PXN: variants seen among roughly 807,000 people sequenced by gnomAD.
PXN encodes the protein testicular tissue protein Li 134.
PXN carries 61 observed loss-of-function variants against 103.6 expected under a neutral mutation model. That is an observed-to-expected ratio of 0.59 (90% CI 0.48 to 0.73). The LOEUF (loss-of-function observed/expected upper bound fraction) is 0.73, where lower values mean the gene tolerates loss of function less well. PXN is among the 30% of genes least tolerant of loss of function. PXN has a pLI of 0.00. For missense variants in PXN, 1,274 were observed against 1,460.3 expected (o/e 0.87, Z 2.08); for synonymous variants, 562 against 607.8 (o/e 0.92, Z 1.11).
chr12:120,244,625 A>G (rs533489729), intron 1 of PXN, among the ~76,000 whole-genome samples: 223 of 147,704 alleles, frequency 1.5e-3, no homozygotes, highest in Admixed American at 1.9e-3. Flanking sequence ...TCCAGCCTGG[A>G]TGACAGAGTG....
rs1174963016 is a variant in PXN at position 120,214,487 on chromosome 12, CAT to C, written c.2749-272_2749-271del. 6.6e-6 allele frequency among the ~76,000 whole-genome samples: 1 copy of C among 152,214 alleles called. No homozygotes were observed. Among genetic ancestry groups the C allele is most frequent in the South Asian group, 2.1e-4 (1 of 4,834 alleles). On this transcript the variant is annotated intron_variant, in intron 12 of 14. Coordinates refer to ENST00000637617, the MANE Select transcript of PXN (RefSeq NM_001385981.1). The surrounding 1 kb of genome is among the most constrained non-coding windows in gnomAD (Gnocchi z 5.0). ...GACTCCCATTTTATAAGTGAAGAAA[CAT>C]AGGCTCAGAGAGGCCAGGCATTTCC...
chr12:120,216,447 G>A lies in PXN; in HGVS notation c.2127C>T (p.Ala709=). Residue 709 remains alanine (A), a synonymous_variant, in exon 9 of 15, where the codon GCC becomes GCT. Coordinates refer to ENST00000637617, the MANE Select transcript of PXN (RefSeq NM_001385981.1). The surrounding 1 kb of genome is among the most constrained non-coding windows in gnomAD (Gnocchi z 5.1). ...SSSSPLPSLL[A]SSPLGPSAYT... is the part of the protein sequence containing the mutation. ...AAGCTGAGGGCCCCAGGGGGGAGGA[G>A]GCGAGCAGGCTGGGCAGGGGAGAAG... 7.3e-6 allele frequency: 10 copies of A among 1,378,166 alleles called. No individual in the cohort carries two copies. Among genetic ancestry groups the A allele is most frequent in the African/African-American group, 1.5e-5 (1 of 65,984 alleles). 85.4% of individuals were successfully genotyped at this position (1,378,166 alleles called of 1,614,324 possible).
chr12:120,215,056 C>A lies in PXN; in HGVS notation c.2574+47G>T. 6.2e-7 allele frequency: 1 copy of A among 1,600,534 alleles called. No homozygotes were observed. Among genetic ancestry groups the A allele is most frequent in the South Asian group, 1.1e-5 (1 of 89,256 alleles). ...AGGCCAGCCCCGGAGCACCCCCACC[C>A]CTGCAGGAGTCCACTGGCCACACCC... is the stretch of plus-strand genomic sequence containing the variant. On this transcript the variant is annotated intron_variant, in intron 11 of 14. Coordinates refer to ENST00000637617, the MANE Select transcript of PXN (RefSeq NM_001385981.1). This position sits in a 1 kb window ranked among gnomAD's most constrained non-coding sequence, Gnocchi z 4.9.
Position 120,219,364 on chromosome 12 carries a change from C to A in PXN, c.1559G>T (p.Gly520Val), listed in dbSNP as rs61741284. ...EQLGAKMTER[G>V]SVARPTQGPE... ...TCCCTGGGTTGGCCTGGCCACACTTCCCCTCTCGGTCATCTTTGCACCTAG... is the reference window on the plus strand; with the variant it reads ...TCCCTGGGTTGGCCTGGCCACACTTACCCTCTCGGTCATCTTTGCACCTAG... Residue 520 changes from glycine (G) to valine (V), a missense_variant, in exon 7 of 15, where the codon GGA (glycine) becomes GTA (valine). By Grantham distance (109) the Gly-to-Val change is moderately radical (BLOSUM62 -3). This residue lies in a region of PXN where 1,178 missense variants were observed against 1,309.0 expected (regional missense o/e 0.90). Coordinates refer to ENST00000637617, the MANE Select transcript of PXN (RefSeq NM_001385981.1). The surrounding 1 kb of genome is among the most constrained non-coding windows in gnomAD (Gnocchi z 6.5). 6.7e-4 allele frequency: 1,078 copies of A among 1,598,462 alleles called. 1 individual carries two copies. The highest frequency in any genetic ancestry group is 8.7e-4 in the Non-Finnish European group (1,023 of 1,179,804).
At position 120,214,896 on chromosome 12, in the gene PXN, G is replaced by A; in HGVS notation, c.2677C>T (p.Pro893Ser). ...SRNFFERDGQPYCEKDYHNLF... is the reference protein window; with the variant it reads ...SRNFFERDGQSYCEKDYHNLF... ...TTGTGGTAGTCCTTTTCACAGTAGG[G>A]CTGTCCATCCCGCTCGAAGAAGTTC... Residue 893 changes from proline to serine, a missense_variant, in exon 12 of 15, where the codon CCC (proline) becomes TCC (serine). Transcript: ENST00000637617. The surrounding 1 kb of genome is among the most constrained non-coding windows in gnomAD (Gnocchi z 5.0). 1 of 1,614,012 alleles carries A rather than the reference G, an allele frequency of 6.2e-7. No individual in the cohort carries two copies. The highest frequency in any genetic ancestry group is 1.1e-5 in the South Asian group (1 of 91,090).
In PXN at chr12:120,248,492, TCACACACACACACACACA is replaced by T. The variant is rs3221954; in HGVS notation, c.13+17107_13+17124del. On this transcript the variant is annotated intron_variant, in intron 1 of 14. Transcript: ENST00000637617. The stretch of plus-strand genomic sequence containing the variant: ...ACCATATACAATCCACAGATGACTT[TCACACACACACACACACA>T]CACACACACACACACACACACACAC... Among the ~76,000 whole-genome samples the T allele has an allele frequency of 7.7e-4, 98 of 127,946 alleles. 1 individual carries two copies. Among genetic ancestry groups the T allele is most frequent in the African/African-American group, 2.5e-3 (81 of 32,148 alleles). The allele number at this position is 127,946 out of a possible 152,430, so 83.9% of individuals were successfully genotyped here.
At position 120,222,548 on chromosome 12, in the gene PXN, C is replaced by T. The variant is rs1432254341; in HGVS notation, c.695+1G>A. ...CTGGGGAGGGCCCAGTGGGTACTCA[C>T]ACGGGGCTGGGCACGGAGCTCTCCA... On this transcript the variant is annotated splice_donor_variant, in intron 5 of 14. Coordinates refer to ENST00000637617, the MANE Select transcript of PXN (RefSeq NM_001385981.1). LOFTEE classifies it high-confidence loss of function. The surrounding 1 kb of genome is among the most constrained non-coding windows in gnomAD (Gnocchi z 4.7). 1 of 1,592,040 alleles carries T rather than the reference C, an allele frequency of 6.3e-7. No individual in the cohort carries two copies. The highest frequency in any genetic ancestry group is 8.5e-7 in the Non-Finnish European group (1 of 1,170,004).
Position 120,242,110 on chromosome 12 carries a change from G to A in PXN, c.14-17733C>T, listed in dbSNP as rs539123267. 3.1e-3 allele frequency among the ~76,000 whole-genome samples: 479 copies of A among 152,254 alleles called. 4 individuals carry two copies. Among genetic ancestry groups the A allele is most frequent in the South Asian group, 0.019 (94 of 4,826 alleles). On this transcript the variant is annotated intron_variant, in intron 1 of 14. Coordinates refer to ENST00000637617, the MANE Select transcript of PXN (RefSeq NM_001385981.1). The stretch of plus-strand genomic sequence containing the variant: ...AGGATCAGGAGTTACACCAAGAACA[G>A]GCAGAGCCACAGTGTTCCCTGAGCC...
intron 1 of PXN, among the ~76,000 whole-genome samples, chr12:120,241,609 C>T (rs551154095): frequency 1.8e-4 from 28 of 152,304 alleles, no homozygotes; most frequent in Admixed American, 1.2e-3. Flanking sequence ...CTGTCATAAA[C>T]GAGGGGCAGA....
Position 120,216,175 on chromosome 12 carries a change from T to G in PXN, c.2301+98A>C. On this transcript the variant is annotated intron_variant, in intron 9 of 14. Coordinates refer to ENST00000637617, the MANE Select transcript of PXN (RefSeq NM_001385981.1). This position sits in a 1 kb window ranked among gnomAD's most constrained non-coding sequence, Gnocchi z 5.1. Reference sequence around the variant, plus strand: ...CTTGTAGATGGAGGGATGGAGGGTATCTGTGTATGTGTGTGTGCACGTGTG... The same window carrying G: ...CTTGTAGATGGAGGGATGGAGGGTAGCTGTGTATGTGTGTGTGCACGTGTG... 1.6e-6 allele frequency: 2 copies of G among 1,265,434 alleles called. No homozygotes were observed. Among genetic ancestry groups the G allele is most frequent in the Non-Finnish European group, 9.9e-7 (1 of 1,007,626 alleles). The allele number at this position is 1,265,434 out of a possible 1,614,324, so 78.4% of individuals were successfully genotyped here.
chr12:120,216,361 T>A lies in PXN; in HGVS notation c.2213A>T (p.Gln738Leu). The change falls in exon 9 of 15, where the codon CAG becomes CTG. Residue 738 changes from glutamine (Q) to leucine (L), a missense_variant. Coordinates refer to ENST00000637617, the MANE Select transcript of PXN (RefSeq NM_001385981.1). This position sits in a 1 kb window ranked among gnomAD's most constrained non-coding sequence, Gnocchi z 5.1. The part of the protein sequence containing the change: ...AGEEPHDEGV[Q>L]GPALPIPAPH... ...TGCAGGAATGGGAAGGGCAGGGCCC[T>A]GCACCCCCTCATCATGGGGCTCTTC... 1.5e-6 allele frequency: 2 copies of A among 1,316,614 alleles called. No homozygotes were observed. The highest frequency in any genetic ancestry group is 4.8e-5 in the South Asian group (2 of 42,004). 81.6% of individuals were successfully genotyped at this position (1,316,614 alleles called of 1,614,324 possible).
rs1287815966 is a variant in PXN, at chr12:120,265,099, C to T, written c.13+518G>A. ...GAGGGGTTATCCCTGAAGGGGGGTG[C>T]TAGTCTGTGAAGTGGGGGGCGGCCC... On this transcript the variant is annotated intron_variant, in intron 1 of 14. Transcript: ENST00000637617. The surrounding 1 kb of genome is among the most constrained non-coding windows in gnomAD (Gnocchi z 5.7). Among the ~76,000 whole-genome samples, 2 of 150,746 alleles carry T rather than the reference C, an allele frequency of 1.3e-5. No individual in the cohort carries two copies. Among genetic ancestry groups the T allele is most frequent in the African/African-American group, 4.9e-5 (2 of 40,896 alleles).
rs915659595 is a variant in PXN, at chr12:120,222,073, A to C, written c.696-315T>G. On this transcript the variant is annotated intron_variant, in intron 5 of 14. Transcript: ENST00000637617. The surrounding 1 kb of genome is among the most constrained non-coding windows in gnomAD (Gnocchi z 4.7). Reference sequence around the variant, plus strand: ...GAGGCTACTGCAGTAACACGACGGCACTGGTAAGAGCTCGCGTGTTGGGCA... The same window carrying C: ...GAGGCTACTGCAGTAACACGACGGCCCTGGTAAGAGCTCGCGTGTTGGGCA... Among the ~76,000 whole-genome samples the C allele has an allele frequency of 6.6e-6, 1 of 152,210 alleles. No homozygotes were observed. The highest frequency in any genetic ancestry group is 2.4e-5 in the African/African-American group (1 of 41,450).
intron 1 of PXN, among the ~76,000 whole-genome samples, chr12:120,238,749 C>T (rs1889596056): frequency 1.3e-5 from 2 of 152,236 alleles, no homozygotes; most frequent in South Asian, 4.1e-4. Flanking sequence ...AGACTATTTA[C>T]ATCACTAGCT....
chr12:120,242,656 C>T (rs191934166), intron 1 of PXN, among the ~76,000 whole-genome samples: 2 of 152,142 alleles, frequency 1.3e-5, no homozygotes, highest in Non-Finnish European at 2.9e-5. Context: ...GAGGCAGAGG[C>T]GGGCAGATCA....
chr12:120,241,520 G>A (rs1890134268), intron 1 of PXN, among the ~76,000 whole-genome samples: 1 of 152,194 alleles, frequency 6.6e-6, no homozygotes, highest in Non-Finnish European at 1.5e-5. Flanking sequence ...CAAACACATA[G>A]TGTGCACGGG....
chr12:120,214,074 C>A lies in PXN; in HGVS notation c.2830+62G>T. The A allele has an allele frequency of 6.4e-7, 1 of 1,567,252 alleles. No homozygotes were observed. Among genetic ancestry groups the A allele is most frequent in the Non-Finnish European group, 8.6e-7 (1 of 1,156,860 alleles). ...CTGACTCCAACCTCAGCAGCGTCTC[C>A]CACCCCCACCTCCCCGGCCCTCCTA... On this transcript the variant is annotated intron_variant, in intron 13 of 14. Coordinates refer to ENST00000637617, the MANE Select transcript of PXN (RefSeq NM_001385981.1). The surrounding 1 kb of genome is among the most constrained non-coding windows in gnomAD (Gnocchi z 5.0).
intron 1 of PXN, among the ~76,000 whole-genome samples, chr12:120,261,499 T>G (rs1893879175): frequency 6.6e-6 from 1 of 152,120 alleles, no homozygotes; most frequent in South Asian, 2.1e-4. Flanking sequence ...CAGATTTTGT[T>G]ATTATTAATG....
chr12:120,222,712 TCAGGGCCC>T lies in PXN; in HGVS notation c.524_531del (p.Gly175GlufsTer10). On this transcript the variant is annotated frameshift_variant, in exon 5 of 15. Coordinates refer to ENST00000637617, the MANE Select transcript of PXN (RefSeq NM_001385981.1). LOFTEE classifies it high-confidence loss of function. The surrounding 1 kb of genome is among the most constrained non-coding windows in gnomAD (Gnocchi z 4.7). Reference sequence around the variant, plus strand: ...GTCTCTGGGACACCATAGAGGGGGCTCAGGGCCCCAGGAAGCGGGGGGCTTGAGTTGGC... The same window carrying T: ...GTCTCTGGGACACCATAGAGGGGGCTCAGGAAGCGGGGGGCTTGAGTTGGC... The T allele has an allele frequency of 1.9e-6, 3 of 1,609,282 alleles. No homozygotes were observed. Among genetic ancestry groups the T allele is most frequent in the Non-Finnish European group, 2.5e-6 (3 of 1,178,046 alleles).
Sources: allele counts gnomAD v4.1 joint callset (sites outside exome capture counted in the v4.1 genomes callset), GRCh38; gene constraint gnomAD v4.1.1; regional missense constraint gnomAD v4.1.1; non-coding constraint Gnocchi (gnomAD v3.1); transcripts MANE v1.5; gene names NCBI Gene and HGNC (gene_info 2026-07-23, HGNC 2026-07-21).